Variants in VPS8 observed in about 807,000 individuals in gnomAD.
VPS8 encodes VPS8 subunit of CORVET complex.
A neutral mutation model predicts 216.4 loss-of-function variants in VPS8; 129 were observed. That is an observed-to-expected ratio of 0.60 (90% CI 0.52 to 0.69). The LOEUF (loss-of-function observed/expected upper bound fraction) is 0.69. Ranked by LOEUF, VPS8 falls within the 30% of genes least tolerant of loss-of-function variation. The pLI is 0.00. For missense variants in VPS8, 1,531 were observed against 1,683.5 expected (o/e 0.91, Z 1.59); for synonymous variants, 571 against 565.4 (o/e 1.01, Z -0.14).
intron 25 of VPS8, among the ~76,000 whole-genome samples, chr3:184,913,164 G>T (rs1473818969): frequency 6.6e-6 from 1 of 152,312 alleles, no homozygotes; most frequent in East Asian, 1.9e-4. Context: ...TAAGAAGACA[G>T]TATGGTTATG....
At chr3:184,941,402 A>C (rs1742665319) in intron 36 of VPS8, among the ~76,000 whole-genome samples, 2 of 149,790 alleles carry the variant, frequency 1.3e-5, no homozygotes, top group Non-Finnish European at 3.0e-5. Context: ...TCAGATTATT[A>C]CTGAGGGTAG....
chr3:184,926,079 A>T (rs1739560007), intron 30 of VPS8, among the ~76,000 whole-genome samples: 2 of 146,130 alleles, frequency 1.4e-5, no homozygotes, highest in South Asian at 4.8e-4. Context: ...CTAGCCTCTT[A>T]GAGTTATGTT....
chr3:184,959,120 G>A (rs1241052208), intron 37 of VPS8, among the ~76,000 whole-genome samples: 1 of 152,130 alleles, frequency 6.6e-6, no homozygotes, highest in East Asian at 1.9e-4. Context: ...TTTTCTTGAG[G>A]CCCCCAAATA....
At chr3:185,032,227 A>T (rs1292252520) in intron 46 of VPS8, among the ~76,000 whole-genome samples, 2 of 152,234 alleles carry the variant, frequency 1.3e-5, no homozygotes, top group African/African-American at 4.8e-5. Flanking sequence ...AAAACTAACT[A>T]AACAGCCTAA....
At chr3:184,914,376 T>C (rs935204262) in intron 26 of VPS8, among the ~76,000 whole-genome samples, 2 of 152,008 alleles carry the variant, frequency 1.3e-5, no homozygotes, top group African/African-American at 4.8e-5. Flanking sequence ...CGCCAAAAAA[T>C]AGAAAAAAGG....
In VPS8 at chr3:184,999,681, G is replaced by A; in HGVS notation, c.3837-15G>A. 1 of 1,594,324 alleles carries A rather than the reference G, an allele frequency of 6.3e-7. No homozygotes were observed. The highest frequency in any genetic ancestry group is 8.5e-7 in the Non-Finnish European group (1 of 1,173,314). On this transcript the variant is annotated splice_polypyrimidine_tract_variant and intron_variant, in intron 44 of 47. Transcript: ENST00000625842. Reference sequence around the variant, plus strand: ...TGATAATAAAAAGTACAAATTGGTTGCCTTCGTTTTGCAGCTGTGGCCATT... The same window carrying A: ...TGATAATAAAAAGTACAAATTGGTTACCTTCGTTTTGCAGCTGTGGCCATT...
At chr3:184,921,646 TCA>T (rs1473745811) in intron 29 of VPS8, among the ~76,000 whole-genome samples, 1 of 152,048 alleles carries the variant, frequency 6.6e-6, no homozygotes, top group Admixed American at 6.6e-5. Flanking sequence ...CGATCTCAGC[TCA>T]CTACTCCTGG....
chr3:184,875,613 T>C lies in VPS8; in HGVS notation c.1734+4808T>C, dbSNP rs574209028. 7.2e-5 allele frequency among the ~76,000 whole-genome samples: 11 copies of C among 152,152 alleles called. No individual in the cohort carries two copies. In the South Asian group the frequency reaches 1.2e-3, roughly 17 times the overall value. On this transcript the variant is annotated intron_variant, in intron 21 of 47. Coordinates refer to ENST00000625842, the MANE Select transcript of VPS8 (RefSeq NM_001009921.3). ...AAAACTAAGTCAAGCAGCAAACAAA[T>C]TCTTTTGTTTGCCTCACGCCGTCTC...
intron 42 of VPS8, among the ~76,000 whole-genome samples, chr3:184,990,924 CG>C (rs780465686): frequency 6.5e-5 from 2 of 30,878 alleles, no homozygotes; most frequent in Non-Finnish European, 1.7e-4. Flanking sequence ...CAAATTACAC[CG>C]TTTTTTTTTT....
chr3:185,004,614 G>C (rs1753981806), intron 45 of VPS8, among the ~76,000 whole-genome samples: 2 of 152,162 alleles, frequency 1.3e-5, no homozygotes, highest in African/African-American at 4.8e-5. Context: ...TTCTCTGATA[G>C]TTTAGTGATG....
intron 30 of VPS8, 138 bp downstream of exon 30, chr3:184,925,119 A>C: frequency 8.5e-7 from 1 of 1,171,526 alleles, no homozygotes; most frequent in Non-Finnish European, 1.2e-6. Context: ...TTTTGGATCT[A>C]AGTTAGGGGG....
chr3:185,026,701 CTT>C (rs1165255623), intron 46 of VPS8, among the ~76,000 whole-genome samples: 31 of 85,952 alleles, frequency 3.6e-4, no homozygotes, highest in African/African-American at 9.5e-4. Flanking sequence ...GAGCCACTGT[CTT>C]TTTTTTTTTT....
chr3:184,897,051 A>G (rs1733629787), intron 23 of VPS8, among the ~76,000 whole-genome samples: 1 of 152,230 alleles, frequency 6.6e-6, no homozygotes, highest in African/African-American at 2.4e-5. Flanking sequence ...GGAGCTTGGT[A>G]CAGAGGTAGA....
chr3:185,036,952 C>T (rs1041353638), intron 46 of VPS8, among the ~76,000 whole-genome samples: 3 of 151,850 alleles, frequency 2.0e-5, no homozygotes, highest in African/African-American at 7.3e-5. Flanking sequence ...ATAAGCCCAA[C>T]ATTTTATTAT....
intron 28 of VPS8, among the ~76,000 whole-genome samples, chr3:184,919,300 G>A (rs1438830293): frequency 6.6e-6 from 1 of 152,158 alleles, no homozygotes; most frequent in Non-Finnish European, 1.5e-5. Context: ...TTAGTGCTAC[G>A]TGGATTTAAA....
At chr3:184,942,602 CAT>C (rs1379908329) in intron 36 of VPS8, among the ~76,000 whole-genome samples, 1 of 152,136 alleles carries the variant, frequency 6.6e-6, no homozygotes, top group African/African-American at 2.4e-5. Context: ...AAAAAGAGCT[CAT>C]GTTTGTATTG....
intron 25 of VPS8, among the ~76,000 whole-genome samples, chr3:184,901,613 T>G (rs1734503018): frequency 1.3e-5 from 2 of 152,024 alleles, no homozygotes; most frequent in African/African-American, 4.8e-5. Context: ...GTTTCCCCAA[T>G]GATAACATCT....
chr3:184,971,784 C>T, intron 40 of VPS8, 32 bp downstream of exon 40: 1 of 1,584,374 alleles, frequency 6.3e-7, no homozygotes, highest in Non-Finnish European at 8.6e-7. Context: ...TATTTAAAAG[C>T]CTGTACTTGG....
At chr3:185,019,518 GGAAATAAAGGGATGGGCC>G (rs1299782892) in intron 45 of VPS8, among the ~76,000 whole-genome samples, 6 of 152,174 alleles carry the variant, frequency 3.9e-5, no homozygotes, top group African/African-American at 1.4e-4. Flanking sequence ...ATTTCTTACA[GGAAATAAAGGGATGGGCC>G]GAAATAAAGG....
Sources: allele counts gnomAD v4.1 joint callset (sites outside exome capture counted in the v4.1 genomes callset), GRCh38; gene constraint gnomAD v4.1.1; transcripts MANE v1.5; gene names NCBI Gene and HGNC (gene_info 2026-07-23, HGNC 2026-07-21).